The following MYO18B variants were observed in gnomAD, a reference collection of about 807,000 sequenced individuals.
MYO18B encodes myosin XVIIIB, also known as unconventional myosin-XVIIIb.
A neutral mutation model predicts 273.0 loss-of-function variants in MYO18B; 204 were observed. That is an observed-to-expected ratio of 0.75 (90% CI 0.67 to 0.84). The LOEUF (loss-of-function observed/expected upper bound fraction) is 0.84, where lower values mean the gene tolerates loss of function less well. Among genes scored for constraint, MYO18B ranks in the 40% least tolerant of loss-of-function variants. MYO18B has a pLI of 0.00. For missense variants in MYO18B, 3,212 were observed against 3,287.6 expected (o/e 0.98, Z 0.56); for synonymous variants, 1,330 against 1,305.7 (o/e 1.02, Z -0.40).
intron 29 of MYO18B, 118 bp downstream of exon 29, chr22:25,898,579 A>T: frequency 9.2e-7 from 1 of 1,086,480 alleles, no homozygotes; most frequent in African/African-American, 1.6e-5. Context: ...GTTTTGCTCT[A>T]ATCTTCCTCC....
At chr22:25,875,511 C>CCG (rs1555920702) in intron 23 of MYO18B, among the ~76,000 whole-genome samples, 1 of 151,902 alleles carries the variant, frequency 6.6e-6, no homozygotes, top group African/African-American at 2.4e-5. Context: ...CTGGTCCCCC[C>CCG]CCCAGTGATA....
At chr22:25,808,985 C>T (rs1229012635) in intron 12 of MYO18B, among the ~76,000 whole-genome samples, 1 of 152,084 alleles carries the variant, frequency 6.6e-6, no homozygotes, top group East Asian at 1.9e-4. Flanking sequence ...GCTCTGTCAC[C>T]CAGGCTGGAG....
At chr22:26,032,843 A>C (rs550604213), downstream of MYO18B, among the ~76,000 whole-genome samples, 392 of 152,172 alleles carry the variant, frequency 2.6e-3, no homozygotes, top group Non-Finnish European at 3.6e-3. Flanking sequence ...GTCACATTGT[A>C]AGGTATGGGG....
intron 42 of MYO18B, among the ~76,000 whole-genome samples, chr22:26,016,827 G>C (rs943639585): frequency 2.6e-5 from 4 of 152,218 alleles, no homozygotes; most frequent in Non-Finnish European, 4.4e-5. Context: ...GTGGGAGCCA[G>C]GAGAGGCCCC....
intron 11 of MYO18B, among the ~76,000 whole-genome samples, chr22:25,790,012 A>G (rs3859871): frequency 0.97 from 147,894 of 152,214 alleles, 71,932 homozygotes; most frequent in Non-Finnish European, 0.99. Context: ...AATTAGCCGG[A>G]CGTGGTGGCG....
intron 21 of MYO18B, among the ~76,000 whole-genome samples, chr22:25,860,108 G>T (rs916516849): frequency 6.6e-6 from 1 of 152,122 alleles, no homozygotes; most frequent in Non-Finnish European, 1.5e-5. Flanking sequence ...TTCTCCCAGC[G>T]AATTGTGTTG....
chr22:25,918,685 G>A (rs1394258769), intron 33 of MYO18B, among the ~76,000 whole-genome samples: 2 of 152,158 alleles, frequency 1.3e-5, no homozygotes, highest in Non-Finnish European at 2.9e-5. Context: ...CTACTGCATG[G>A]TCAGTGTCAA....
chr22:25,968,244 G>A (rs969981130), intron 39 of MYO18B, among the ~76,000 whole-genome samples: 5 of 152,228 alleles, frequency 3.3e-5, no homozygotes, highest in Admixed American at 6.5e-5. Context: ...TATTTGAAGG[G>A]TAGAGGCTGG....
At chr22:26,044,992 G>A in the MYO18B span, among the ~76,000 whole-genome samples, 1 of 152,018 alleles carries the variant, frequency 6.6e-6, no homozygotes, top group Non-Finnish European at 1.5e-5. Flanking sequence ...CCCTTGGGTT[G>A]TCATGTGACC....
At chr22:25,917,558 G>GTGTA (rs945014729) in intron 33 of MYO18B, among the ~76,000 whole-genome samples, 4 of 151,200 alleles carry the variant, frequency 2.6e-5, no homozygotes, top group Admixed American at 6.6e-5. Context: ...GTGTGTGTGT[G>GTGTA]TGTGTGTGTG....
chr22:25,898,743 G>A (rs2091868037), intron 29 of MYO18B: 3 of 379,376 alleles, frequency 7.9e-6, no homozygotes, highest in Non-Finnish European at 9.5e-6. Context: ...CCCATTTGTC[G>A]AGTGAAGGGT....
At chr22:25,873,130 G>A (rs2091094053) in intron 22 of MYO18B, among the ~76,000 whole-genome samples, 1 of 152,154 alleles carries the variant, frequency 6.6e-6, no homozygotes, top group South Asian at 2.1e-4. Flanking sequence ...AAACCTCCAG[G>A]ACTCTCTGCC....
intron 12 of MYO18B, among the ~76,000 whole-genome samples, chr22:25,803,539 GA>G (rs2088317596): frequency 6.6e-6 from 1 of 152,132 alleles, no homozygotes; most frequent in Non-Finnish European, 1.5e-5. Context: ...CCCAGAGGCA[GA>G]GCGGTTCTGT....
chr22:25,978,512 A>T (rs947642325), intron 39 of MYO18B, among the ~76,000 whole-genome samples: 3 of 152,236 alleles, frequency 2.0e-5, no homozygotes, highest in African/African-American at 7.2e-5. Flanking sequence ...GCGAAACAAC[A>T]AAGTTGGGAC....
At chr22:25,792,842 G>A (rs2145730146) in intron 11 of MYO18B, among the ~76,000 whole-genome samples, 1 of 152,232 alleles carries the variant, frequency 6.6e-6, no homozygotes, top group Non-Finnish European at 1.5e-5. Flanking sequence ...GCAGAGGGGT[G>A]GGAATCCTTG....
intron 39 of MYO18B, among the ~76,000 whole-genome samples, chr22:25,963,592 C>T (rs1381342427): frequency 1.3e-5 from 2 of 149,404 alleles, no homozygotes; most frequent in Non-Finnish European, 3.0e-5. Flanking sequence ...ACCCTATTTC[C>T]CAATAAGGTC....
chr22:25,869,897 G>A (rs2091000915), intron 22 of MYO18B, among the ~76,000 whole-genome samples: 3 of 152,198 alleles, frequency 2.0e-5, no homozygotes, highest in African/African-American at 7.2e-5. Context: ...CCTGATAGGA[G>A]TTGCAGCATC....
intron 1 of MYO18B, among the ~76,000 whole-genome samples, chr22:25,752,321 G>A (rs1295843013): frequency 1.3e-5 from 2 of 149,994 alleles, no homozygotes; most frequent in African/African-American, 4.9e-5. Flanking sequence ...CCAAGTAGCT[G>A]GGACTACAGG....
chr22:25,898,570 T>C, intron 29 of MYO18B, 109 bp downstream of exon 29: 1 of 1,213,918 alleles, frequency 8.2e-7, no homozygotes. Flanking sequence ...AACTCCCTTG[T>C]TTTGCTCTAA....
Sources: gnomAD v4.1 joint callset for allele counts (sites outside exome capture counted in the v4.1 genomes callset) on GRCh38, gnomAD v4.1.1 for gene constraint, MANE v1.5 for transcripts, NCBI Gene and HGNC (gene_info 2026-07-23, HGNC 2026-07-21) for gene names.